Variants in TAB3 observed in about 807,000 individuals in gnomAD.
TAB3 encodes TGF-beta-activated kinase 1 and MAP3K7-binding protein 3.
In TAB3, 18 loss-of-function variants were observed where a neutral mutation model predicts 48.1. The observed-to-expected ratio is 0.37, with a 90% CI of 0.26 to 0.55. TAB3 has a LOEUF of 0.55. TAB3 is among the 20% of genes least tolerant of loss of function. The pLI, the probability that TAB3 is intolerant of heterozygous loss-of-function variation, is 0.78. For synonymous variants in TAB3, 185 were observed against 190.2 expected (o/e 0.97, Z 0.22); for missense variants, 414 against 549.8 (o/e 0.75, Z 2.47).
At chrX:30,877,998 C>G (rs1939886172) in intron 1 of TAB3, among the ~76,000 whole-genome samples, 1 of 112,113 alleles carries the variant, frequency 8.9e-6, no homozygotes, top group African/African-American at 3.2e-5. Flanking sequence ...TAATTTCAGA[C>G]AAAATAGAAT....
intron 1 of TAB3, among the ~76,000 whole-genome samples, chrX:30,872,919 A>G (rs142722114): frequency 0.016 from 1,752 of 111,813 alleles, 26 homozygotes; most frequent in African/African-American, 0.051. Context: ...TATATTATGA[A>G]CCTAATTAAG....
At chrX:30,848,170 T>G (rs1458490160) in intron 7 of TAB3, among the ~76,000 whole-genome samples, 1 of 111,441 alleles carries the variant, frequency 9.0e-6, no homozygotes, top group Non-Finnish European at 1.9e-5. Flanking sequence ...AGAGAGATGT[T>G]TCAGCCACAG....
At chrX:30,855,645 G>T in intron 5 of TAB3, 83 bp from the exon 6 acceptor site, 1 of 909,535 alleles carries the variant, frequency 1.1e-6, no homozygotes. Flanking sequence ...AGAGAGTTAT[G>T]CAAATACTAC....
At chrX:30,845,794 G>A (rs1398697144) in intron 8 of TAB3, 2 of 218,611 alleles carry the variant, frequency 9.1e-6, no homozygotes, top group African/African-American at 6.1e-5. Context: ...TTCATAGAAA[G>A]AGCGGCTTTC....
chrX:30,844,813 A>G (rs1391609046), intron 8 of TAB3: 1 of 111,954 alleles, frequency 8.9e-6, no homozygotes, highest in Non-Finnish European at 1.9e-5. Flanking sequence ...CCTGCCACTA[A>G]TCTTTAATCT....
chrX:30,853,656 C>T (rs1569212457), intron 6 of TAB3, among the ~76,000 whole-genome samples: 1 of 112,442 alleles, frequency 8.9e-6, no homozygotes, highest in African/African-American at 3.2e-5. Flanking sequence ...ATACATGACT[C>T]TGAAGCACTA....
chrX:30,848,508 T>C (rs1238029462), intron 7 of TAB3, among the ~76,000 whole-genome samples: 1 of 110,970 alleles, frequency 9.0e-6, no homozygotes, highest in Non-Finnish European at 1.9e-5. Flanking sequence ...AGCAACAGAG[T>C]GAGACTCTGT....
In TAB3 at chrX:30,854,973, T is replaced by C; in HGVS notation, c.692A>G (p.Tyr231Cys). ...TGAACTCTGAGATGTCTGTCTAATA[T>C]AAATAGAACCAGGAGACCCATAGAG... ...SNLYGSPGSI[Y>C]IRQTSQSSSG... is the part of the protein sequence containing the mutation. The change falls in exon 6 of 11, where the codon TAT becomes TGT. Residue 231 changes from tyrosine to cysteine, a missense_variant. Tyr to Cys is a radical substitution (Grantham distance 194). Transcript: ENST00000288422. The C allele has an allele frequency of 8.3e-7, 1 of 1,209,618 alleles. No individual in the cohort carries two copies. The highest frequency in any genetic ancestry group is 1.1e-6 in the Non-Finnish European group (1 of 894,232).
At chrX:30,855,584 A>C in intron 5 of TAB3, 22 bp from the exon 6 acceptor site, 2 of 1,160,377 alleles carry the variant, frequency 1.7e-6, no homozygotes, top group South Asian at 4.1e-5. Context: ...AAATGGTAAA[A>C]GTAACATTGG....
At chrX:30,835,438 A>G (rs973632076) in intron 9 of TAB3, 1 of 115,659 alleles carries the variant, frequency 8.6e-6, no homozygotes, top group South Asian at 3.7e-4. Flanking sequence ...AACTCTTACA[A>G]CCTTTGGAGT....
Position 30,852,683 on chromosome X carries a change from C to T in TAB3, c.1710+95G>A, listed in dbSNP as rs760853568. 9 of 931,976 alleles carry T rather than the reference C, an allele frequency of 9.7e-6. No individual in the cohort carries two copies. The South Asian group carries it at 1.6e-4, about 17-fold the overall frequency. The allele number at this position is 931,976 out of a possible 1,213,427, so 76.8% of individuals were successfully genotyped here. On this transcript the variant is annotated intron_variant, in intron 7 of 10. Transcript: ENST00000288422. ...AACAATAACAACAACAACAAAAAAC[C>T]GGAACTCTGCCAGGAATAAAGCCTA...
At chrX:30,832,198 C>T (rs1381194205) in intron 10 of TAB3, among the ~76,000 whole-genome samples, 1 of 112,059 alleles carries the variant, frequency 8.9e-6, no homozygotes, top group Non-Finnish European at 1.9e-5. Flanking sequence ...ATATTCTTTC[C>T]TACATTTTTG....
At position 30,839,078 on chromosome X, in the gene TAB3, C is replaced by T. The variant is rs1938330987; in HGVS notation, c.1888+3888G>A. Among the ~76,000 whole-genome samples the T allele has an allele frequency of 2.7e-5, 3 of 110,794 alleles. No homozygotes were observed. The Admixed American group carries it at 2.9e-4, about 11-fold the overall frequency. ...AGAATAGACATCCTTGCCTTGTTCCCAATGTTGGTAAGTTCAGAATTGCAT... is the reference window on the plus strand; with the variant it reads ...AGAATAGACATCCTTGCCTTGTTCCTAATGTTGGTAAGTTCAGAATTGCAT... On this transcript the variant is annotated intron_variant, in intron 9 of 10. Transcript: ENST00000288422.
intron 1 of TAB3, among the ~76,000 whole-genome samples, chrX:30,880,052 C>T (rs1250797491): frequency 2.7e-5 from 3 of 111,403 alleles, no homozygotes; most frequent in African/African-American, 9.8e-5. Flanking sequence ...AAATAAATGG[C>T]GTAGTGTATC....
At chrX:30,844,768 C>A (rs1265491166) in intron 8 of TAB3, 1 of 112,368 alleles carries the variant, frequency 8.9e-6, no homozygotes, top group East Asian at 2.8e-4. Context: ...TTGCTTCTGT[C>A]TGTTGTTCAG....
chrX:30,832,994 G>A lies in TAB3; in HGVS notation c.1990+1057C>T, dbSNP rs781664260. Among the ~76,000 whole-genome samples the A allele has an allele frequency of 1.2e-3, 118 of 101,407 alleles. 1 individual carries two copies. The Middle Eastern group carries it at 0.031, about 27-fold the overall frequency. The allele number at this position is 101,407 out of a possible 115,157, so 88.1% of individuals were successfully genotyped here. On this transcript the variant is annotated intron_variant, in intron 10 of 10. Transcript: ENST00000288422. ...CTTTCTTTTTTTTTTTTTTTGAGAC[G>A]GAGTCTTGCTCTGTTGCCCAGGCTG...
intron 1 of TAB3, among the ~76,000 whole-genome samples, chrX:30,885,739 A>G (rs988555139): frequency 8.9e-6 from 1 of 112,010 alleles, no homozygotes; most frequent in Non-Finnish European, 1.9e-5. Context: ...AGAGGGAAGA[A>G]GAGGAGAAAC....
At chrX:30,848,287 G>C (rs923969484) in intron 7 of TAB3, among the ~76,000 whole-genome samples, 4 of 112,173 alleles carry the variant, frequency 3.6e-5, no homozygotes, top group Admixed American at 1.9e-4. Flanking sequence ...ACTTTGGGGG[G>C]CCAAGGCAGG....
At chrX:30,876,668 G>A (rs1478793598) in intron 1 of TAB3, among the ~76,000 whole-genome samples, 2 of 111,135 alleles carry the variant, frequency 1.8e-5, no homozygotes, top group East Asian at 2.8e-4. Flanking sequence ...AGCATGCCCA[G>A]CTAATTTCTG....
Sources: allele counts gnomAD v4.1 joint callset (sites outside exome capture counted in the v4.1 genomes callset), GRCh38; gene constraint gnomAD v4.1.1; transcripts MANE v1.5; gene names NCBI Gene and HGNC (gene_info 2026-07-23, HGNC 2026-07-21).